Variants in IPO5 observed in about 807,000 individuals in gnomAD.
The protein encoded by IPO5 is importin 5.
A neutral mutation model predicts 143.3 loss-of-function variants in IPO5; 18 were observed. The ratio of observed to expected loss-of-function variants is 0.13; its 90% CI spans 0.09 to 0.19. IPO5 has a LOEUF of 0.19. Ranked by LOEUF, IPO5 falls within the 10% of genes least tolerant of loss-of-function variation. The pLI is 1.00. For missense variants in IPO5, 1,013 were observed against 1,336.9 expected, an observed-to-expected ratio of 0.76 and a Z score of 3.78; for synonymous variants, 477 against 465.7, an observed-to-expected ratio of 1.02 and a Z score of -0.31.
chr13:97,985,835 A>G, intron 6 of IPO5, among the ~76,000 whole-genome samples: 1 of 152,188 alleles, frequency 6.6e-6, no homozygotes, highest in South Asian at 2.1e-4. Flanking sequence ...CAAAATACCC[A>G]TGTGAGGCTA....
chr13:97,984,953 T>G (rs2139657668), intron 5 of IPO5, among the ~76,000 whole-genome samples: 1 of 152,326 alleles, frequency 6.6e-6, no homozygotes, highest in Non-Finnish European at 1.5e-5. Flanking sequence ...TCGTAATGTT[T>G]GTTTGCATGA....
At chr13:97,982,413 A>T (rs1886926861) in intron 4 of IPO5, 90 bp from the exon 5 acceptor site, 3 of 808,174 alleles carry the variant, frequency 3.7e-6, no homozygotes, top group Non-Finnish European at 4.1e-6. Context: ...ATAATTTCTC[A>T]TGCATCCTTC....
chr13:98,012,084 T>A (rs1240675397), intron 20 of IPO5, among the ~76,000 whole-genome samples, 162 bp from the exon 21 acceptor site: 1 of 152,096 alleles, frequency 6.6e-6, no homozygotes, highest in Non-Finnish European at 1.5e-5. Context: ...CTTTTAAGAC[T>A]CTTTTTAGTT....
chr13:97,975,237 G>A (rs576486865), intron 3 of IPO5, among the ~76,000 whole-genome samples: 9 of 131,132 alleles, frequency 6.9e-5, no homozygotes, highest in South Asian at 2.9e-4. Flanking sequence ...TTGGGAGGCC[G>A]AGGCGGGGGG....
At chr13:98,009,843 G>T in intron 18 of IPO5, 38 bp from the exon 19 acceptor site, 1 of 1,488,008 alleles carries the variant, frequency 6.7e-7, no homozygotes, top group Admixed American at 2.1e-5. Flanking sequence ...TTTACCCATT[G>T]TTTTTTAATC....
At chr13:97,973,008 TGGAA>T (rs1885949505) in intron 3 of IPO5, among the ~76,000 whole-genome samples, 3 of 151,416 alleles carry the variant, frequency 2.0e-5, no homozygotes, top group Non-Finnish European at 4.4e-5. Context: ...GCTGTTTTTA[TGGAA>T]TATCTTAGTT....
At chr13:97,967,750 G>C (rs1220101438) in intron 2 of IPO5, among the ~76,000 whole-genome samples, 1 of 152,070 alleles carries the variant, frequency 6.6e-6, no homozygotes, top group Admixed American at 6.6e-5. Context: ...TCCTGCCTCA[G>C]CCTCCCAAGT....
intron 2 of IPO5, among the ~76,000 whole-genome samples, chr13:97,964,557 C>T (rs888913127): frequency 6.6e-6 from 1 of 150,766 alleles, no homozygotes; most frequent in Admixed American, 6.6e-5. Flanking sequence ...ATGCCATTCT[C>T]CTGCCGAGTA....
chr13:98,006,873 T>TG (rs1889304248), intron 17 of IPO5, among the ~76,000 whole-genome samples: 1 of 149,376 alleles, frequency 6.7e-6, no homozygotes, highest in South Asian at 2.1e-4. Context: ...GGTGTTTTTT[T>TG]TTTTTTTTTT....
Position 98,022,716 on chromosome 13 carries a change from G to C in IPO5, c.*894G>C, listed in dbSNP as rs1163463599. On this transcript the variant is annotated 3_prime_UTR_variant, in exon 29 of 29. Coordinates refer to ENST00000651721, the MANE Select transcript of IPO5 (RefSeq NM_002271.6). The stretch of plus-strand genomic sequence containing the variant: ...ACAATTGGTGTTCTTTTTAAGGTTT[G>C]CAAATTTCAGCCAATTTTGTAGCTA... The C allele has an allele frequency of 6.6e-6, 1 of 152,088 alleles. No homozygotes were observed. The highest frequency in any genetic ancestry group is 2.4e-5 in the African/African-American group (1 of 41,406). The allele number at this position is 152,088 out of a possible 1,614,324, so 9.4% of individuals were successfully genotyped here.
intron 2 of IPO5, among the ~76,000 whole-genome samples, chr13:97,968,144 C>T (rs538823112): frequency 2.6e-5 from 4 of 152,276 alleles, no homozygotes; most frequent in Non-Finnish European, 4.4e-5. Context: ...TCTTCTTTGA[C>T]GCACTTGTTA....
chr13:98,010,351 T>G (rs1344732784), intron 20 of IPO5, 127 bp downstream of exon 20: 2 of 834,170 alleles, frequency 2.4e-6, no homozygotes, highest in East Asian at 2.7e-5. Context: ...AAAGTAAAGT[T>G]TTCTTTCCAT....
chr13:97,968,807 C>T (rs1885564609), intron 2 of IPO5, among the ~76,000 whole-genome samples: 1 of 151,960 alleles, frequency 6.6e-6, no homozygotes, highest in African/African-American at 2.4e-5. Flanking sequence ...TCTCGTATCT[C>T]AGCCTCCCAG....
chr13:98,008,259 A>G (rs1297976957), intron 18 of IPO5, 117 bp downstream of exon 18: 3 of 606,716 alleles, frequency 4.9e-6, no homozygotes, highest in African/African-American at 3.8e-5. Context: ...AACCCCTGCT[A>G]GCAGAGACAT....
intron 5 of IPO5, among the ~76,000 whole-genome samples, 194 bp downstream of exon 5, chr13:97,982,777 G>A (rs981155865): frequency 2.6e-5 from 4 of 152,190 alleles, no homozygotes; most frequent in Non-Finnish European, 5.9e-5. Context: ...AAGAATGAGA[G>A]TTGCCTTTTT....
At chr13:97,970,222 TTTTA>T (rs1413371235) in intron 3 of IPO5, among the ~76,000 whole-genome samples, 3 of 152,214 alleles carry the variant, frequency 2.0e-5, no homozygotes, top group Non-Finnish European at 4.4e-5. Context: ...AATATAACTA[TTTTA>T]TTTAACACAA....
intron 2 of IPO5, among the ~76,000 whole-genome samples, chr13:97,955,508 GC>G (rs1244271371): frequency 6.6e-6 from 1 of 152,102 alleles, no homozygotes; most frequent in Non-Finnish European, 1.5e-5. Flanking sequence ...CAAAACACAG[GC>G]AGAAATATAA....
chr13:98,008,155 A>T lies in IPO5; in HGVS notation c.1800+13A>T. ...TGATGATCCTCAGGTAAGTGGTCTT[A>T]ATGCATTTGCTTTGATCCGCTAATG... On this transcript the variant is annotated intron_variant, in intron 18 of 28. Coordinates refer to ENST00000651721, the MANE Select transcript of IPO5 (RefSeq NM_002271.6). The T allele has an allele frequency of 6.5e-7, 1 of 1,528,212 alleles. No homozygotes were observed. The highest frequency in any genetic ancestry group is 9.1e-7 in the Non-Finnish European group (1 of 1,102,020). The allele number at this position is 1,528,212 out of a possible 1,614,324, so 94.7% of individuals were successfully genotyped here. A position where few individuals can be genotyped will look rare whatever the true frequency, so the allele number is the denominator to read the frequency against.
At chr13:98,019,460 TC>T in intron 26 of IPO5, 120 bp from the exon 27 acceptor site, 1 of 720,476 alleles carries the variant, frequency 1.4e-6, no homozygotes, top group South Asian at 1.9e-5. Flanking sequence ...AGACAACACT[TC>T]CCATACACTT....
Sources: allele counts gnomAD v4.1 joint callset (sites outside exome capture counted in the v4.1 genomes callset), GRCh38; gene constraint gnomAD v4.1.1; transcripts MANE v1.5; gene names NCBI Gene and HGNC (gene_info 2026-07-23, HGNC 2026-07-21).